The following MUCL1 variants were observed in gnomAD, a reference collection of about 807,000 sequenced individuals.
MUCL1 encodes mucin-like protein 1.
In MUCL1, 11 loss-of-function variants were observed where a neutral mutation model predicts 9.2. The ratio of observed to expected loss-of-function variants is 1.19; its 90% CI spans 0.75 to 1.97. MUCL1 has a LOEUF of 1.97. MUCL1 is among the 30% of genes most tolerant of loss of function. The pLI is 0.00. For synonymous variants in MUCL1, 48 were observed against 40.5 expected, an observed-to-expected ratio of 1.19 and a Z score of -0.71; for missense variants, 144 against 110.9, an observed-to-expected ratio of 1.30 and a Z score of -1.34.
intron 1 of MUCL1, among the ~76,000 whole-genome samples, chr12:54,844,258 G>A (rs761964392): frequency 4.1e-4 from 63 of 152,056 alleles, no homozygotes; most frequent in Non-Finnish European, 3.8e-4. Context: ...TTTTTTATTG[G>A]GGGATAATGT....
intron 2 of MUCL1, 153 bp downstream of exon 2, chr12:54,855,310 A>G (rs1868290754): frequency 1.5e-6 from 1 of 653,882 alleles, no homozygotes; most frequent in Non-Finnish European, 2.7e-6. Flanking sequence ...TTTAAAATTC[A>G]CCACAAACAT....
intron 3 of MUCL1, among the ~76,000 whole-genome samples, chr12:54,857,911 G>T (rs1241359603): frequency 1.3e-5 from 2 of 152,106 alleles, no homozygotes; most frequent in Non-Finnish European, 2.9e-5. Context: ...AAGAAGGCTG[G>T]ATCTCTGTGC....
chr12:54,846,065 T>C (rs1292196090), intron 1 of MUCL1, among the ~76,000 whole-genome samples: 2 of 152,212 alleles, frequency 1.3e-5, no homozygotes, highest in African/African-American at 4.8e-5. Context: ...AACCTTGCAC[T>C]TGTCCTTCGA....
At chr12:54,849,392 T>C (rs1565777239) in intron 1 of MUCL1, among the ~76,000 whole-genome samples, 1 of 152,250 alleles carries the variant, frequency 6.6e-6, no homozygotes, top group Non-Finnish European at 1.5e-5. Flanking sequence ...ATGGCAGTTA[T>C]CTCATTGTTT....
intron 3 of MUCL1, among the ~76,000 whole-genome samples, chr12:54,857,246 GT>G (rs1423467182): frequency 1.3e-5 from 2 of 151,608 alleles, no homozygotes; most frequent in African/African-American, 4.8e-5. Context: ...GTGTGTGTGT[GT>G]GTGTGTGTGT....
upstream of MUCL1, among the ~76,000 whole-genome samples, chr12:54,838,118 C>T (rs1197910971): frequency 6.6e-6 from 1 of 152,206 alleles, no homozygotes; most frequent in Non-Finnish European, 1.5e-5. Flanking sequence ...TCTTGTAGGA[C>T]TGGTCTGGTA....
chr12:54,847,062 C>T (rs562573019), intron 1 of MUCL1, among the ~76,000 whole-genome samples: 3 of 152,274 alleles, frequency 2.0e-5, no homozygotes, highest in African/African-American at 4.8e-5. Flanking sequence ...CATAGACCTA[C>T]GCTCCCTCCT....
intron 1 of MUCL1, among the ~76,000 whole-genome samples, chr12:54,847,843 A>C (rs1416784085): frequency 1.3e-5 from 2 of 152,122 alleles, no homozygotes; most frequent in Non-Finnish European, 2.9e-5. Context: ...TTGAAGAAAC[A>C]TGCTGTGTCT....
chr12:54,839,417 C>A, exon 1 of MUCL1: 1 of 702,002 alleles, frequency 1.4e-6, no homozygotes, highest in Non-Finnish European at 2.6e-6. Flanking sequence ...GGGAGGTGAC[C>A]ATGGGTATCA....
At chr12:54,850,575 T>C (rs1403906433), upstream of MUCL1, among the ~76,000 whole-genome samples, 1 of 152,078 alleles carries the variant, frequency 6.6e-6, no homozygotes, top group East Asian at 1.9e-4. Flanking sequence ...TACATTTGGG[T>C]TGGTTCCAAG....
intron 1 of MUCL1, among the ~76,000 whole-genome samples, chr12:54,844,969 C>T (rs1365315495): frequency 2.0e-5 from 3 of 151,524 alleles, no homozygotes; most frequent in South Asian, 2.1e-4. Context: ...GAAGGAATGT[C>T]TTATCTCTTC....
chr12:54,856,921 C>A (rs369718217), intron 3 of MUCL1, 29 bp downstream of exon 3: 4 of 1,613,050 alleles, frequency 2.5e-6, no homozygotes, highest in African/African-American at 1.3e-5. Context: ...CTGTGTGCTT[C>A]CTTTATGTGG....
chr12:54,846,382 G>A (rs188299989), intron 1 of MUCL1, among the ~76,000 whole-genome samples: 3 of 152,130 alleles, frequency 2.0e-5, no homozygotes, highest in Non-Finnish European at 4.4e-5. Flanking sequence ...CTGAAGGAGC[G>A]AGCCACATCC....
intron 1 of MUCL1, among the ~76,000 whole-genome samples, chr12:54,833,055 T>A (rs1420277923): frequency 6.6e-6 from 1 of 152,160 alleles, no homozygotes; most frequent in East Asian, 1.9e-4. Context: ...TATTCGTTAC[T>A]GTAACTTTAT....
chr12:54,842,011 TGG>T (rs1959214889), intron 1 of MUCL1, among the ~76,000 whole-genome samples: 1 of 152,158 alleles, frequency 6.6e-6, no homozygotes, highest in African/African-American at 2.4e-5. Context: ...TGACTCTATG[TGG>T]CTTTGAATTT....
chr12:54,842,992 C>A (rs1959219939), intron 1 of MUCL1, among the ~76,000 whole-genome samples: 1 of 152,150 alleles, frequency 6.6e-6, no homozygotes, highest in Non-Finnish European at 1.5e-5. Flanking sequence ...GTTACAATAA[C>A]TTACAGTATT....
At chr12:54,834,303 G>T (rs1436553624) in intron 1 of MUCL1, among the ~76,000 whole-genome samples, 1 of 151,872 alleles carries the variant, frequency 6.6e-6, no homozygotes. Flanking sequence ...TATGAATCTT[G>T]AATTTACCTA....
chr12:54,854,072 G>T (rs1004429974), upstream of MUCL1, among the ~76,000 whole-genome samples: 133 of 48,124 alleles, frequency 2.8e-3, 5 homozygotes, highest in East Asian at 0.034. Context: ...CACAGCCTGA[G>T]TTACACCGGA....
At chr12:54,838,307 T>C (rs1370873536), upstream of MUCL1, among the ~76,000 whole-genome samples, 2 of 152,230 alleles carry the variant, frequency 1.3e-5, no homozygotes, top group Non-Finnish European at 2.9e-5. Flanking sequence ...GCTGTTAGTT[T>C]GATATGTTTT....
Sources: gnomAD v4.1 joint callset for allele counts (sites outside exome capture counted in the v4.1 genomes callset) on GRCh38, gnomAD v4.1.1 for gene constraint, MANE v1.5 for transcripts, NCBI Gene and HGNC (gene_info 2026-07-23, HGNC 2026-07-21) for gene names.